Variants in MYO1E observed in about 807,000 individuals in gnomAD.
The protein encoded by MYO1E is unconventional myosin-Ie.
In MYO1E, 68 loss-of-function variants were observed where a neutral mutation model predicts 151.1. The ratio of observed to expected loss-of-function variants is 0.45; its 90% CI spans 0.37 to 0.55. The LOEUF is 0.55. MYO1E is among the 20% of genes least tolerant of loss of function. The pLI is 0.00. For synonymous variants in MYO1E, 601 were observed against 501.7 expected (o/e 1.20, Z -2.64); for missense variants, 1,363 against 1,389.3 (o/e 0.98, Z 0.30).
At chr15:59,155,527 G>C (rs1038151262) in intron 25 of MYO1E, among the ~76,000 whole-genome samples, 4 of 152,128 alleles carry the variant, frequency 2.6e-5, no homozygotes, top group African/African-American at 9.7e-5. Flanking sequence ...TAGAGAGTTG[G>C]GGAGCCCTGC....
chr15:59,308,598 G>C (rs1231085041), intron 1 of MYO1E, among the ~76,000 whole-genome samples: 20 of 151,824 alleles, frequency 1.3e-4, no homozygotes, highest in African/African-American at 4.6e-4. Context: ...CTTGAACCCG[G>C]GAGGTGGAGG....
At chr15:59,248,863 T>C (rs1461507635) in intron 4 of MYO1E, among the ~76,000 whole-genome samples, 1 of 152,184 alleles carries the variant, frequency 6.6e-6, no homozygotes, top group Non-Finnish European at 1.5e-5. Context: ...CACCCCTCTA[T>C]CCAGCGTTCT....
intron 25 of MYO1E, among the ~76,000 whole-genome samples, chr15:59,154,488 C>T (rs1364583547): frequency 6.6e-6 from 1 of 152,218 alleles, no homozygotes; most frequent in Non-Finnish European, 1.5e-5. Flanking sequence ...CATTAGCATT[C>T]CATGCTACGT....
At chr15:59,349,505 T>C (rs1466779776) in intron 1 of MYO1E, among the ~76,000 whole-genome samples, 1 of 152,034 alleles carries the variant, frequency 6.6e-6, no homozygotes, top group African/African-American at 2.4e-5. Flanking sequence ...CTTCTTTAAA[T>C]TACCCAGCGA....
chr15:59,153,960 T>C (rs1282690456), intron 25 of MYO1E, among the ~76,000 whole-genome samples, 169 bp from the exon 26 acceptor site: 10 of 152,246 alleles, frequency 6.6e-5, no homozygotes, highest in Admixed American at 3.9e-4. Context: ...TTGTGAGAAT[T>C]AGAGCTGATT....
chr15:59,320,659 C>T (rs1370694385), intron 1 of MYO1E, among the ~76,000 whole-genome samples: 1 of 152,146 alleles, frequency 6.6e-6, no homozygotes, highest in Non-Finnish European at 1.5e-5. Context: ...CTTGACCCTA[C>T]CTTTCACCAC....
At chr15:59,332,786 G>A (rs548336929) in intron 1 of MYO1E, among the ~76,000 whole-genome samples, 37 of 152,084 alleles carry the variant, frequency 2.4e-4, no homozygotes, top group African/African-American at 7.5e-4. Flanking sequence ...AAAGCCCTGA[G>A]ACCAAAGCTC....
In MYO1E at chr15:59,208,461, G is replaced by A. The variant is rs2079855028; in HGVS notation, c.1530+220C>T. 4.2e-5 allele frequency: 26 copies of A among 624,870 alleles called. No individual in the cohort carries two copies. In the Admixed American group the frequency reaches 4.7e-4, roughly 11 times the overall value. The allele number at this position is 624,870 out of a possible 1,614,324, so 38.7% of individuals were successfully genotyped here. On this transcript the variant is annotated intron_variant, in intron 14 of 27. Coordinates refer to ENST00000288235, the MANE Select transcript of MYO1E (RefSeq NM_004998.4). ...TTATACCTATGTTCATTTATATGCT[G>A]TAAAAAAGTAGTAGCTTCTTCTACA... is the stretch of plus-strand genomic sequence containing the variant.
chr15:59,205,316 C>T, intron 15 of MYO1E, 84 bp downstream of exon 15: 2 of 1,341,232 alleles, frequency 1.5e-6, no homozygotes, highest in Non-Finnish European at 2.1e-6. Flanking sequence ...GAACACACCA[C>T]CACACCCAGC....
At chr15:59,143,586 G>A (rs2079423728) in intron 26 of MYO1E, among the ~76,000 whole-genome samples, 1 of 152,182 alleles carries the variant, frequency 6.6e-6, no homozygotes, top group Non-Finnish European at 1.5e-5. Flanking sequence ...GAAACTGCCG[G>A]TAGCTGTGTG....
At chr15:59,216,664 G>GTGTGTGTGTGTGTGTGTGTGTGTGTT in intron 10 of MYO1E, among the ~76,000 whole-genome samples, 1 of 14,720 alleles carries the variant, frequency 6.8e-5, no homozygotes, top group South Asian at 1.9e-3. Flanking sequence ...GTGTGTGTAT[G>GTGTGTGTGTGTGTGTGTGTGTGTGTT]TGTATATATA....
chr15:59,231,866 G>C, intron 5 of MYO1E, 75 bp from the exon 6 acceptor site: 1 of 1,503,414 alleles, frequency 6.7e-7, no homozygotes, highest in Non-Finnish European at 9.2e-7. Context: ...CTTTCTCTAA[G>C]GACCTGGTTT....
intron 10 of MYO1E, among the ~76,000 whole-genome samples, chr15:59,217,156 G>A (rs369367939): frequency 2.3e-3 from 347 of 152,198 alleles, no homozygotes; most frequent in African/African-American, 7.4e-3. Flanking sequence ...AAGCTCAGCC[G>A]ATCCCAAATA....
intron 16 of MYO1E, among the ~76,000 whole-genome samples, chr15:59,198,643 T>G (rs2079782342): frequency 6.6e-6 from 1 of 151,826 alleles, no homozygotes; most frequent in South Asian, 2.1e-4. Context: ...TGGTGAAACT[T>G]CGTCTCTACT....
chr15:59,153,501 A>G (rs1477234237), intron 26 of MYO1E, 89 bp downstream of exon 26: 2 of 1,405,254 alleles, frequency 1.4e-6, no homozygotes, highest in East Asian at 4.6e-5. Flanking sequence ...AATCCTGTGT[A>G]TTGACAGCCC....
chr15:59,261,842 T>C (rs1596389545), intron 2 of MYO1E, among the ~76,000 whole-genome samples: 1 of 152,328 alleles, frequency 6.6e-6, no homozygotes, highest in East Asian at 1.9e-4. Flanking sequence ...AAAGCAGTTA[T>C]CAGTCCTCCC....
intron 22 of MYO1E, among the ~76,000 whole-genome samples, chr15:59,171,456 C>T (rs2079593681): frequency 1.3e-5 from 2 of 152,162 alleles, no homozygotes; most frequent in Admixed American, 6.5e-5. Context: ...GACCAACTTG[C>T]ACTCCCTAAG....
At chr15:59,302,560 T>C (rs768042191) in intron 1 of MYO1E, among the ~76,000 whole-genome samples, 14 of 152,174 alleles carry the variant, frequency 9.2e-5, no homozygotes, top group Non-Finnish European at 1.9e-4. Context: ...ATCTGTATTA[T>C]TGGATTTCAC....
intron 14 of MYO1E, chr15:59,206,844 G>C: frequency 7.8e-7 from 1 of 1,281,836 alleles, no homozygotes; most frequent in Non-Finnish European, 1.1e-6. Flanking sequence ...ACCTGCCGTA[G>C]AGTGCTGAAG....
Sources: gnomAD v4.1 joint callset for allele counts (sites outside exome capture counted in the v4.1 genomes callset) on GRCh38, gnomAD v4.1.1 for gene constraint, MANE v1.5 for transcripts, NCBI Gene and HGNC (gene_info 2026-07-23, HGNC 2026-07-21) for gene names.